Variants in GRB14 observed in about 807,000 individuals in gnomAD.
GRB14 encodes the protein growth factor receptor bound protein 14.
Under a neutral mutation model 69.1 loss-of-function variants are expected in GRB14, and 38 were observed. The ratio of observed to expected loss-of-function variants is 0.55; its 90% CI spans 0.42 to 0.72. The LOEUF is 0.72. Among genes scored for constraint, GRB14 ranks in the 30% least tolerant of loss-of-function variants. The probability of loss-of-function intolerance (pLI) is 0.00; values close to 1 mark genes in which losing one functional copy is unlikely to be tolerated. For missense variants in GRB14, 666 were observed against 666.1 expected, an observed-to-expected ratio of 1.00 and a Z score of 0.00; for synonymous variants, 247 against 241.3, an observed-to-expected ratio of 1.02 and a Z score of -0.22.
At chr2:164,502,522 A>G (rs1349872170) in intron 8 of GRB14, among the ~76,000 whole-genome samples, 187 bp from the exon 9 acceptor site, 2 of 152,132 alleles carry the variant, frequency 1.3e-5, no homozygotes, top group Non-Finnish European at 2.9e-5. Context: ...AGACAATTGA[A>G]GTCTTTTACT....
chr2:164,493,141 G>A lies in GRB14; in HGVS notation c.1518C>T (p.Gly506=), dbSNP rs749661032. The A allele has an allele frequency of 5.6e-6, 9 of 1,613,250 alleles. No homozygotes were observed. In the South Asian group the frequency reaches 9.9e-5, roughly 18 times the overall value. ...GTATTAGATCTGTAAATCTTGTGTG[G>A]CCATCATCCAGTGTGTGGAACATTT... ...DGEMFHTLDD[G]HTRFTDLIQL... Residue 506 remains glycine, a synonymous_variant, in exon 14 of 14, where the codon GGC becomes GGT. Coordinates refer to ENST00000263915, the MANE Select transcript of GRB14 (RefSeq NM_004490.3).
intron 2 of GRB14, among the ~76,000 whole-genome samples, chr2:164,555,997 C>G (rs979070701): frequency 4.6e-5 from 7 of 151,924 alleles, no homozygotes; most frequent in Non-Finnish European, 2.9e-5. Flanking sequence ...ATTTTTATAT[C>G]AGGGTCAGAG....
Position 164,497,269 on chromosome 2 carries a change from T to G in GRB14, c.1236A>C (p.Leu412Phe). Residue 412 changes from leucine to phenylalanine, a missense_variant, in exon 11 of 14, where the codon TTA becomes TTC. By Grantham distance (22) the Leu-to-Phe change is conservative. Transcript: ENST00000263915. ...EGLAWRKKGC[L>F]RLGTHGSPTA... is the part of the protein sequence containing the mutation. ...TGGGGCTACCGTGAGTGCCCAGGCGTAAACATCCTTTTTTCTGAGCAAGGA... is the reference window on the plus strand; with the variant it reads ...TGGGGCTACCGTGAGTGCCCAGGCGGAAACATCCTTTTTTCTGAGCAAGGA... The G allele has an allele frequency of 6.2e-7, 1 of 1,613,102 alleles. No individual in the cohort carries two copies. The highest frequency in any genetic ancestry group is 1.1e-5 in the South Asian group (1 of 90,878).
intron 2 of GRB14, among the ~76,000 whole-genome samples, chr2:164,590,646 T>C (rs1455096071): frequency 6.6e-6 from 1 of 152,218 alleles, no homozygotes; most frequent in East Asian, 1.9e-4. Context: ...ACCCTGACAC[T>C]GGAGGAATTC....
intron 2 of GRB14, among the ~76,000 whole-genome samples, chr2:164,556,122 A>G (rs1403733983): frequency 6.6e-6 from 1 of 152,122 alleles, no homozygotes; most frequent in Non-Finnish European, 1.5e-5. Context: ...AAGAAAAGGA[A>G]TGGGAAGCAA....
At chr2:164,536,518 A>G (rs921102083) in intron 3 of GRB14, among the ~76,000 whole-genome samples, 29 of 152,340 alleles carry the variant, frequency 1.9e-4, no homozygotes, top group African/African-American at 6.7e-4. Context: ...CCTGTCAATC[A>G]GGAATAAGCA....
At chr2:164,560,634 C>A (rs902885458) in intron 2 of GRB14, among the ~76,000 whole-genome samples, 52 of 151,988 alleles carry the variant, frequency 3.4e-4, no homozygotes, top group African/African-American at 1.2e-3. Flanking sequence ...TCACCAGGAA[C>A]CTTTCCTGGA....
chr2:164,620,726 G>A (rs771686036), intron 1 of GRB14, among the ~76,000 whole-genome samples: 2 of 152,138 alleles, frequency 1.3e-5, no homozygotes, highest in Non-Finnish European at 2.9e-5. Flanking sequence ...CTTCTACAGG[G>A]TCGCTGTAAG....
At chr2:164,570,595 A>T (rs183943208) in intron 2 of GRB14, among the ~76,000 whole-genome samples, 86 of 152,340 alleles carry the variant, frequency 5.6e-4, no homozygotes, top group Non-Finnish European at 9.8e-4. Flanking sequence ...GCAGGCTGCA[A>T]GAAGGAAACG....
chr2:164,570,574 G>A (rs1325733801), intron 2 of GRB14, among the ~76,000 whole-genome samples: 1 of 152,118 alleles, frequency 6.6e-6, no homozygotes, highest in Non-Finnish European at 1.5e-5. Flanking sequence ...CACAATAGGG[G>A]TAAGATCAGG....
At chr2:164,558,528 G>A (rs1290200703) in intron 2 of GRB14, among the ~76,000 whole-genome samples, 1 of 152,104 alleles carries the variant, frequency 6.6e-6, no homozygotes, top group Non-Finnish European at 1.5e-5. Flanking sequence ...TTTCATCAAA[G>A]CTGTGTTCTC....
chr2:164,516,998 G>A (rs1334519489), intron 6 of GRB14, among the ~76,000 whole-genome samples: 1 of 152,140 alleles, frequency 6.6e-6, no homozygotes, highest in Non-Finnish European at 1.5e-5. Context: ...AATCCAGCCT[G>A]GGTGACAGAG....
intron 2 of GRB14, among the ~76,000 whole-genome samples, chr2:164,582,417 AT>A (rs1482393343): frequency 2.8e-5 from 3 of 107,788 alleles, no homozygotes; most frequent in African/African-American, 1.4e-4. Flanking sequence ...TTATTTATTT[AT>A]TTATTATTTT....
At chr2:164,531,721 A>T (rs1184094669) in intron 3 of GRB14, among the ~76,000 whole-genome samples, 1 of 152,134 alleles carries the variant, frequency 6.6e-6, no homozygotes, top group African/African-American at 2.4e-5. Context: ...CTAGATGGTA[A>T]CTGGATGGTG....
chr2:164,502,239 A>C lies in GRB14; in HGVS notation c.1104+16T>G. On this transcript the variant is annotated intron_variant, in intron 9 of 13. Coordinates refer to ENST00000263915, the MANE Select transcript of GRB14 (RefSeq NM_004490.3). ...GAATGTAAAATAAAACACAGGCTCA[A>C]AAATTTGGTCCTTACCATAGGTGAT... 1 of 1,422,238 alleles carries C rather than the reference A, an allele frequency of 7.0e-7. No homozygotes were observed. The highest frequency in any genetic ancestry group is 9.9e-7 in the Non-Finnish European group (1 of 1,007,796). The allele number at this position is 1,422,238 out of a possible 1,614,324, so 88.1% of individuals were successfully genotyped here.
Position 164,497,419 on chromosome 2 carries a change from G to C in GRB14, c.1176C>G (p.Pro392=). 6.2e-7 allele frequency: 1 copy of C among 1,613,696 alleles called. No individual in the cohort carries two copies. Among genetic ancestry groups the C allele is most frequent in the Admixed American group, 1.7e-5 (1 of 59,980 alleles). Residue 392 remains proline, a synonymous_variant, in exon 10 of 14, where the codon CCC becomes CCG. Coordinates refer to ENST00000263915, the MANE Select transcript of GRB14 (RefSeq NM_004490.3). ...SGQKSRVIEN[P]TEALSVAVEE... ...CAACCGCAACTGAAAGGGCTTCAGT[G>C]GGATTTTCTATAACTCTGCTTTTCT...
At chr2:164,581,359 G>A (rs1689399632) in intron 2 of GRB14, among the ~76,000 whole-genome samples, 1 of 152,128 alleles carries the variant, frequency 6.6e-6, no homozygotes, top group Admixed American at 6.5e-5. Flanking sequence ...ATTATACAGG[G>A]GGTTCCAACG....
At chr2:164,564,076 G>A (rs140976731) in intron 2 of GRB14, among the ~76,000 whole-genome samples, 5 of 152,278 alleles carry the variant, frequency 3.3e-5, no homozygotes, top group Admixed American at 2.6e-4. Flanking sequence ...TGAAGATAAA[G>A]GTGAAGCAAA....
chr2:164,565,087 G>A (rs925285282), intron 2 of GRB14, among the ~76,000 whole-genome samples: 4 of 152,032 alleles, frequency 2.6e-5, no homozygotes, highest in Admixed American at 1.3e-4. Flanking sequence ...CTGACCCACC[G>A]AATCAGGATA....
Sources: gnomAD v4.1 joint callset for allele counts (sites outside exome capture counted in the v4.1 genomes callset) on GRCh38, gnomAD v4.1.1 for gene constraint, MANE v1.5 for transcripts, NCBI Gene and HGNC (gene_info 2026-07-23, HGNC 2026-07-21) for gene names.